MECR: variants seen among roughly 807,000 people sequenced by gnomAD.
The protein encoded by MECR is enoyl-[acyl-carrier-protein] reductase, mitochondrial.
In MECR, 37 loss-of-function variants were observed where a neutral mutation model predicts 49.1. The observed-to-expected ratio is 0.75, with a 90% CI of 0.58 to 0.99. The LOEUF (loss-of-function observed/expected upper bound fraction) is 0.99. Among genes scored for constraint, MECR ranks in the 50% least tolerant of loss-of-function variants. The pLI is 0.00. For synonymous variants in MECR, 198 were observed against 191.1 expected (o/e 1.04, Z -0.30); for missense variants, 470 against 479.6 (o/e 0.98, Z 0.19).
At chr1:29,191,022 A>C (rs1327121858), downstream of MECR, among the ~76,000 whole-genome samples, 1 of 152,134 alleles carries the variant, frequency 6.6e-6, no homozygotes, top group Admixed American at 6.5e-5. Context: ...GTAACTGCCT[A>C]ATCTGCTCTC....
chr1:29,213,075 A>T (rs2151888694), intron 3 of MECR, among the ~76,000 whole-genome samples: 1 of 151,786 alleles, frequency 6.6e-6, no homozygotes. Flanking sequence ...AAGATAGAGG[A>T]CTCTTGTCTT....
At chr1:29,216,814 TG>T in intron 1 of MECR, 129 bp from the exon 2 acceptor site, 1 of 1,533,470 alleles carries the variant, frequency 6.5e-7, no homozygotes, top group Non-Finnish European at 8.7e-7. Context: ...ATTACGGTTC[TG>T]TTATAAAAGA....
At chr1:29,205,871 T>G (rs1019641063) in intron 4 of MECR, among the ~76,000 whole-genome samples, 2 of 152,090 alleles carry the variant, frequency 1.3e-5, no homozygotes, top group African/African-American at 2.4e-5. Context: ...CCGGGCTTCA[T>G]GGGCTTTGCC....
chr1:29,177,410 T>G, the MECR span, among the ~76,000 whole-genome samples: 1 of 151,912 alleles, frequency 6.6e-6, no homozygotes, highest in African/African-American at 2.4e-5. Flanking sequence ...GCCTCCCGAG[T>G]AGCCAGGATT....
At chr1:29,218,093 T>TA (rs1464348067) in intron 1 of MECR, among the ~76,000 whole-genome samples, 1 of 152,216 alleles carries the variant, frequency 6.6e-6, no homozygotes, top group Non-Finnish European at 1.5e-5. Context: ...TGTTAAGTGG[T>TA]AAGTCCCTCT....
At chr1:29,204,258 C>T (rs1012834118) in intron 4 of MECR, among the ~76,000 whole-genome samples, 5 of 151,808 alleles carry the variant, frequency 3.3e-5, no homozygotes, top group Middle Eastern at 3.4e-3. Flanking sequence ...TCAAATGCAT[C>T]GTGTCCGGGA....
intron 3 of MECR, among the ~76,000 whole-genome samples, chr1:29,211,591 T>TG (rs1678034494): frequency 6.6e-6 from 1 of 152,232 alleles, no homozygotes; most frequent in Non-Finnish European, 1.5e-5. Flanking sequence ...CTCAGTTGAG[T>TG]ACTGCTGAGA....
At chr1:29,188,838 C>T (rs1221700508), downstream of MECR, among the ~76,000 whole-genome samples, 5 of 152,072 alleles carry the variant, frequency 3.3e-5, no homozygotes, top group Non-Finnish European at 7.4e-5. Context: ...TGGGGTTTCA[C>T]CATGTTGGCC....
chr1:29,227,592 G>C (rs1049768348), intron 1 of MECR, among the ~76,000 whole-genome samples: 2 of 152,152 alleles, frequency 1.3e-5, no homozygotes, highest in Non-Finnish European at 2.9e-5. Flanking sequence ...ACCTGAGAAG[G>C]CTGTTCCTCA....
At chr1:29,211,677 G>A (rs1678048352) in intron 3 of MECR, among the ~76,000 whole-genome samples, 1 of 148,724 alleles carries the variant, frequency 6.7e-6, no homozygotes, top group African/African-American at 2.5e-5. Flanking sequence ...ACTTAAATTA[G>A]GTCATACAGC....
intron 1 of MECR, chr1:29,221,002 A>G: frequency 4.0e-6 from 3 of 746,340 alleles, no homozygotes; most frequent in Non-Finnish European, 4.9e-6. Flanking sequence ...ACAAATATTT[A>G]TGGACAGTCG....
At position 29,201,799 on chromosome 1, in the gene MECR, G is replaced by A. The variant is rs1675379070; in HGVS notation, c.756+144C>T. 1 of 736,276 alleles carries A rather than the reference G, an allele frequency of 1.4e-6. No homozygotes were observed. The highest frequency in any genetic ancestry group is 3.0e-4 in the Middle Eastern group (1 of 3,366). 45.6% of individuals were successfully genotyped at this position (736,276 alleles called of 1,614,324 possible). ...CGTGCTGCCTGCCGCCTGGCTAGGG[G>A]GAATGGGCTTTAACCAACCAAGAGG... On this transcript the variant is annotated intron_variant, in intron 6 of 9. Coordinates refer to ENST00000263702, the MANE Select transcript of MECR (RefSeq NM_016011.5). This position sits in a 1 kb window ranked among gnomAD's most constrained non-coding sequence, Gnocchi z 4.3.
intron 1 of MECR, among the ~76,000 whole-genome samples, chr1:29,222,922 A>G (rs895906114): frequency 6.6e-6 from 1 of 152,214 alleles, no homozygotes; most frequent in African/African-American, 2.4e-5. Context: ...AGTGCTAACC[A>G]TGTTGTCAAG....
At chr1:29,218,130 G>A (rs886985833) in intron 1 of MECR, among the ~76,000 whole-genome samples, 2 of 152,198 alleles carry the variant, frequency 1.3e-5, no homozygotes, top group East Asian at 3.8e-4. Context: ...GGACACCATG[G>A]TGGCAACATC....
chr1:29,205,814 G>A (rs1194376983), intron 4 of MECR, among the ~76,000 whole-genome samples: 1 of 152,026 alleles, frequency 6.6e-6, no homozygotes, highest in Admixed American at 6.6e-5. Flanking sequence ...GACAGAGCAC[G>A]ACTGTCTCAA....
intron 1 of MECR, among the ~76,000 whole-genome samples, chr1:29,219,161 C>T (rs1025529573): frequency 1.3e-5 from 2 of 152,126 alleles, no homozygotes; most frequent in Non-Finnish European, 2.9e-5. Context: ...AGGCATCAGC[C>T]CAGATAGTGA....
intron 1 of MECR, 35 bp downstream of exon 1, chr1:29,230,696 C>A: frequency 6.4e-7 from 1 of 1,552,102 alleles, no homozygotes; most frequent in Non-Finnish European, 8.7e-7. Context: ...CCAGAAACCC[C>A]AGTCCCCTTC....
At chr1:29,186,292 C>G in the MECR span, among the ~76,000 whole-genome samples, 2 of 152,240 alleles carry the variant, frequency 1.3e-5, no homozygotes, top group African/African-American at 4.8e-5. Context: ...AGACTGTTCA[C>G]AGTCAGGGCT....
chr1:29,176,294 G>T, the MECR span, among the ~76,000 whole-genome samples: 1 of 151,876 alleles, frequency 6.6e-6, no homozygotes, highest in African/African-American at 2.4e-5. Flanking sequence ...ACAAATAGGT[G>T]GTAGGGTTCC....
Sources: gnomAD v4.1 joint callset for allele counts (sites outside exome capture counted in the v4.1 genomes callset) on GRCh38, gnomAD v4.1.1 for gene constraint, Gnocchi (gnomAD v3.1) non-coding constraint, MANE v1.5 for transcripts, NCBI Gene and HGNC (gene_info 2026-07-23, HGNC 2026-07-21) for gene names.